The following ESR1 variants were observed in gnomAD, a reference collection of about 807,000 sequenced individuals.
ESR1 encodes the protein estrogen receptor 1.
ESR1 carries 12 observed loss-of-function variants against 52.7 expected under a neutral mutation model. The observed-to-expected ratio is 0.23, with a 90% CI of 0.15 to 0.37. The LOEUF (loss-of-function observed/expected upper bound fraction) is 0.37. ESR1 is among the 10% of genes least tolerant of loss of function. ESR1 has a pLI of 1.00. For synonymous variants in ESR1, 305 were observed against 316.8 expected, an observed-to-expected ratio of 0.96 and a Z score of 0.39; for missense variants, 584 against 779.7, an observed-to-expected ratio of 0.75 and a Z score of 2.99.
chr6:151,787,564 C>T lies in ESR1; in HGVS notation c.-70-20279C>T, dbSNP rs573405058. ...TCTTCTTGTAGAGAATTTCACCTCC[C>T]GGGTTAGCTGTATTCCTAGGTGTTT... On this transcript the variant is annotated intron_variant, in intron 2 of 2. Transcript: ENST00000404742. Among the ~76,000 whole-genome samples, 23 of 152,194 alleles carry T rather than the reference C, an allele frequency of 1.5e-4. No individual in the cohort carries two copies. The East Asian group carries it at 2.1e-3, about 14-fold the overall frequency.
Position 151,960,923 on chromosome 6 carries a change from C to T in ESR1, c.1096+16415C>T, listed in dbSNP as rs182556927. Reference sequence around the variant, plus strand: ...GACAGGATTTTCCCGATGGGCTGGGCGTAGTATGTGAGAGAAAGAATTCAG... The same window carrying T: ...GACAGGATTTTCCCGATGGGCTGGGTGTAGTATGTGAGAGAAAGAATTCAG... On this transcript the variant is annotated intron_variant, in intron 4 of 7. Coordinates refer to ENST00000206249, the MANE Select transcript of ESR1 (RefSeq NM_000125.4). 1.7e-3 allele frequency among the ~76,000 whole-genome samples: 266 copies of T among 152,048 alleles called. 1 individual carries two copies. The highest frequency in any genetic ancestry group is 6.1e-3 in the African/African-American group (252 of 41,466).
At chr6:151,988,453 C>G (rs1353242688) in intron 4 of ESR1, among the ~76,000 whole-genome samples, 2 of 152,090 alleles carry the variant, frequency 1.3e-5, no homozygotes, top group African/African-American at 4.8e-5. Context: ...TTCACTTGCA[C>G]GTTCACTGCT....
intron 2 of ESR1, among the ~76,000 whole-genome samples, chr6:151,850,046 T>TTGTATATATATACAAAATTATA (rs1786166575): frequency 5.2e-5 from 3 of 57,456 alleles, no homozygotes; most frequent in African/African-American, 2.2e-4. Flanking sequence ...ATATATAATT[T>TTGTATATATATACAAAATTATA]TATATATATA....
At chr6:151,854,420 C>A (rs1329268752) in intron 2 of ESR1, among the ~76,000 whole-genome samples, 1 of 152,024 alleles carries the variant, frequency 6.6e-6, no homozygotes, top group African/African-American at 2.4e-5. Flanking sequence ...CCTCATATTT[C>A]CATTTTCCTT....
chr6:151,974,083 A>C (rs141128432), intron 4 of ESR1, among the ~76,000 whole-genome samples: 1 of 152,322 alleles, frequency 6.6e-6, no homozygotes, highest in African/African-American at 2.4e-5. Context: ...ATGAGGGGTC[A>C]TCTGGGCTGT....
At chr6:152,087,668 G>A (rs2049847892) in intron 6 of ESR1, among the ~76,000 whole-genome samples, 1 of 152,306 alleles carries the variant, frequency 6.6e-6, no homozygotes, top group African/African-American at 2.4e-5. Flanking sequence ...AGGCTTGGAG[G>A]AGCAAAGATA....
chr6:151,681,725 G>T (rs931566253), intron 1 of ESR1, among the ~76,000 whole-genome samples: 3 of 152,120 alleles, frequency 2.0e-5, no homozygotes, highest in Non-Finnish European at 4.4e-5. Context: ...CCAGGCCGCC[G>T]CTTCCAAGGG....
intron 1 of ESR1, among the ~76,000 whole-genome samples, chr6:151,669,111 G>A (rs1049678027): frequency 6.8e-6 from 1 of 146,512 alleles, no homozygotes; most frequent in Non-Finnish European, 1.5e-5. Flanking sequence ...GCTTCGGGGC[G>A]ACTCACAACA....
chr6:151,950,222 G>C (rs79613403), intron 4 of ESR1, among the ~76,000 whole-genome samples: 2,552 of 152,302 alleles, frequency 0.017, 61 homozygotes, highest in African/African-American at 0.057. Context: ...TCTGGGATGT[G>C]TCTTTATGAG....
chr6:151,734,938 T>A (rs922415934), intron 2 of ESR1, among the ~76,000 whole-genome samples: 10 of 152,052 alleles, frequency 6.6e-5, no homozygotes, highest in African/African-American at 2.4e-4. Context: ...TCAAAAGATT[T>A]AAAAAAATGT....
At chr6:152,073,730 T>C (rs866769455) in intron 6 of ESR1, among the ~76,000 whole-genome samples, 5 of 152,128 alleles carry the variant, frequency 3.3e-5, no homozygotes, top group Non-Finnish European at 5.9e-5. Flanking sequence ...AAGTGAGGGA[T>C]GTTTGGGTTC....
At chr6:151,967,245 A>G (rs1314691193) in intron 4 of ESR1, among the ~76,000 whole-genome samples, 1 of 152,194 alleles carries the variant, frequency 6.6e-6, no homozygotes, top group African/African-American at 2.4e-5. Context: ...CAGGTTTGTT[A>G]CATAGGTATA....
chr6:151,763,574 C>T (rs1784818686), intron 2 of ESR1, among the ~76,000 whole-genome samples: 1 of 152,116 alleles, frequency 6.6e-6, no homozygotes, highest in Non-Finnish European at 1.5e-5. Context: ...ACGGTGTTGC[C>T]TACTGTGTTG....
At chr6:152,117,734 T>C (rs976435669) in intron 6 of ESR1, among the ~76,000 whole-genome samples, 2 of 152,224 alleles carry the variant, frequency 1.3e-5, no homozygotes, top group East Asian at 3.9e-4. Context: ...ACCTTGTTCA[T>C]GCACTTATTC....
downstream of ESR1, among the ~76,000 whole-genome samples, chr6:152,105,108 T>C (rs77596565): frequency 6.6e-6 from 1 of 152,340 alleles, no homozygotes; most frequent in African/African-American, 2.4e-5. Flanking sequence ...TCTCTCCATC[T>C]CTTCATTTGT....
intron 6 of ESR1, among the ~76,000 whole-genome samples, chr6:152,074,954 G>A (rs1024118866): frequency 3.3e-5 from 5 of 152,154 alleles, no homozygotes; most frequent in African/African-American, 1.2e-4. Flanking sequence ...TCTTATCGTT[G>A]AGTTTTAAAA....
chr6:152,091,448 G>A (rs554153562), intron 6 of ESR1, among the ~76,000 whole-genome samples: 1 of 152,312 alleles, frequency 6.6e-6, no homozygotes, highest in African/African-American at 2.4e-5. Context: ...CATCCTGAGA[G>A]TCCGTGTTAA....
intron 2 of ESR1, among the ~76,000 whole-genome samples, chr6:151,864,442 G>A (rs1317870426): frequency 6.6e-6 from 1 of 152,126 alleles, no homozygotes; most frequent in Non-Finnish European, 1.5e-5. Context: ...GAAACGACAG[G>A]TGCTGGAGAG....
chr6:152,125,556 A>C (rs747284494), exon 7 of ESR1: 88 of 606,406 alleles, frequency 1.5e-4, no homozygotes, highest in Non-Finnish European at 1.7e-4. Flanking sequence ...TTTGGATCAA[A>C]TTTTCTTCAA....
Sources: gnomAD v4.1 joint callset for allele counts (sites outside exome capture counted in the v4.1 genomes callset) on GRCh38, gnomAD v4.1.1 for gene constraint, MANE v1.5 for transcripts, NCBI Gene and HGNC (gene_info 2026-07-23, HGNC 2026-07-21) for gene names.